Variants in ACOT1 observed in about 807,000 individuals in gnomAD.
The protein encoded by ACOT1 is acyl-coenzyme A thioesterase 1.
In ACOT1, 8 loss-of-function variants were observed where a neutral mutation model predicts 15.7. The observed-to-expected ratio is 0.51, with a 90% confidence interval of 0.30 to 0.92. The LOEUF (loss-of-function observed/expected upper bound fraction) is 0.92, where lower values mean the gene tolerates loss of function less well. Ranked by LOEUF, ACOT1 falls within the 40% of genes least tolerant of loss-of-function variation. ACOT1 has a pLI of 0.06. For missense variants in ACOT1, 151 were observed against 539.4 expected (o/e 0.28, Z 7.13); for synonymous variants, 67 against 241.2 (o/e 0.28, Z 6.69).
the ACOT1 span, chr14:73,517,322 T>C: frequency 6.6e-6 from 1 of 152,184 alleles, no homozygotes; most frequent in African/African-American, 2.4e-5. Context: ...CATCAAATTG[T>C]ATGGTTTAAC....
At chr14:73,509,983 C>G in the ACOT1 span, among the ~76,000 whole-genome samples, 4 of 149,994 alleles carry the variant, frequency 2.7e-5, no homozygotes, top group Non-Finnish European at 5.9e-5. Context: ...ACACCATTCT[C>G]CTGCCTCAGC....
chr14:73,514,144 G>C, the ACOT1 span: 4 of 1,614,176 alleles, frequency 2.5e-6, no homozygotes, highest in East Asian at 8.9e-5. Context: ...GGTCTTAATA[G>C]GCACATCCTT....
chr14:73,524,304 A>ATATATATATATATAT, the ACOT1 span, among the ~76,000 whole-genome samples: 1 of 93,794 alleles, frequency 1.1e-5, no homozygotes, highest in African/African-American at 5.4e-5. Context: ...AAAAAAAAAA[A>ATATATATATATATAT]AAAAAAATAT....
At chr14:73,492,656 G>A in the ACOT1 span, 2 of 1,614,018 alleles carry the variant, frequency 1.2e-6, no homozygotes, top group Non-Finnish European at 1.7e-6. The surrounding 1 kb of genome is among the most constrained non-coding windows in gnomAD (Gnocchi z 4.9). Flanking sequence ...AACAGAAACA[G>A]AAGTCCATAT....
chr14:73,510,692 T>G, the ACOT1 span, among the ~76,000 whole-genome samples: 5 of 152,220 alleles, frequency 3.3e-5, no homozygotes, highest in Admixed American at 6.5e-5. Flanking sequence ...TGCCTTGGCC[T>G]TCCAAAGTGC....
the ACOT1 span, among the ~76,000 whole-genome samples, chr14:73,509,006 A>G: frequency 2.6e-5 from 4 of 151,878 alleles, 1 homozygote; most frequent in South Asian, 2.1e-4. Flanking sequence ...AGCTGGGTCT[A>G]CAGGAGCACA....
At chr14:73,504,433 A>G in the ACOT1 span, among the ~76,000 whole-genome samples, 355 of 152,034 alleles carry the variant, frequency 2.3e-3, 1 homozygote, top group Admixed American at 4.6e-3. Context: ...TAGTAGAGAC[A>G]GGGTTTCACC....
the ACOT1 span, among the ~76,000 whole-genome samples, chr14:73,524,310 AAT>A: frequency 0.073 from 3,976 of 54,466 alleles, 174 homozygotes; most frequent in Non-Finnish European, 0.095. Context: ...AAAAAAAAAA[AAT>A]ATATATATAT....
At chr14:73,494,256 G>A in the ACOT1 span, among the ~76,000 whole-genome samples, 1 of 152,194 alleles carries the variant, frequency 6.6e-6, no homozygotes, top group Non-Finnish European at 1.5e-5. Context: ...AGAAGACCTG[G>A]GTTTGGGGTG....
the ACOT1 span, among the ~76,000 whole-genome samples, chr14:73,525,951 T>C: frequency 2.0e-4 from 14 of 70,186 alleles, no homozygotes; most frequent in Non-Finnish European, 4.7e-4. Context: ...AGACTCCTTA[T>C]TTAAAAAAAA....
At chr14:73,514,350 C>A in the ACOT1 span, 178 of 846,012 alleles carry the variant, frequency 2.1e-4, 1 homozygote, top group Admixed American at 4.3e-4. Flanking sequence ...AAAACAAAAC[C>A]CTCAAGAGTG....
the ACOT1 span, among the ~76,000 whole-genome samples, chr14:73,515,612 G>A: frequency 6.7e-6 from 1 of 148,954 alleles, no homozygotes; most frequent in African/African-American, 2.5e-5. Flanking sequence ...CTGGGGAGGC[G>A]GAGGTTGTAG....
the ACOT1 span, chr14:73,502,935 C>T: frequency 1.2e-6 from 2 of 1,614,072 alleles, no homozygotes; most frequent in Non-Finnish European, 1.7e-6. Flanking sequence ...CTCATTTGCC[C>T]AAGCGCCTGT....
chr14:73,518,934 G>A, the ACOT1 span: 2 of 1,323,260 alleles, frequency 1.5e-6, no homozygotes, highest in South Asian at 3.0e-5. Context: ...CATGAACTGG[G>A]AGCTCTAGCA....
At chr14:73,494,470 A>G in the ACOT1 span, among the ~76,000 whole-genome samples, 2 of 152,236 alleles carry the variant, frequency 1.3e-5, no homozygotes, top group Admixed American at 6.5e-5. Flanking sequence ...TAAAAAAGTT[A>G]CAAAAGCATA....
At chr14:73,533,258 T>C, upstream of ACOT1, among the ~76,000 whole-genome samples, 2 of 115,412 alleles carry the variant, frequency 1.7e-5, 1 homozygote, top group Non-Finnish European at 3.8e-5. Flanking sequence ...GATATTTGTA[T>C]ACCCATGTTC....
chr14:73,506,454 GA>G, the ACOT1 span: 4 of 1,604,864 alleles, frequency 2.5e-6, no homozygotes, highest in African/African-American at 2.7e-5. Context: ...TGGAGGCAAA[GA>G]AAGAGGTTTA....
At chr14:73,513,728 CAA>C in the ACOT1 span, among the ~76,000 whole-genome samples, 4,808 of 45,542 alleles carry the variant, frequency 0.11, 29 homozygotes, top group Non-Finnish European at 0.15. Context: ...ACTACGTCTC[CAA>C]AAAAAAAAAA....
At chr14:73,512,039 G>A in the ACOT1 span, 1,530 of 1,614,036 alleles carry the variant, frequency 9.5e-4, 1 homozygote, top group Non-Finnish European at 1.2e-3. Flanking sequence ...ATCCGGGGCC[G>A]TTCCAAAGCA....
Sources: gnomAD v4.1 joint callset for allele counts (sites outside exome capture counted in the v4.1 genomes callset) on GRCh38, gnomAD v4.1.1 for gene constraint, Gnocchi (gnomAD v3.1) non-coding constraint, MANE v1.5 for transcripts, NCBI Gene and HGNC (gene_info 2026-07-23, HGNC 2026-07-21) for gene names.